The following XYLT1 variants were observed in gnomAD, a reference collection of about 807,000 sequenced individuals.
XYLT1 encodes the protein xylosyltransferase 1.
XYLT1 carries 36 observed loss-of-function variants against 91.3 expected under a neutral mutation model. The ratio of observed to expected loss-of-function variants is 0.39; its 90% CI spans 0.30 to 0.52. The LOEUF (loss-of-function observed/expected upper bound fraction) is 0.52. Ranked by LOEUF, XYLT1 falls within the 20% of genes least tolerant of loss-of-function variation. The probability of loss-of-function intolerance (pLI) is 0.68; values close to 1 mark genes in which losing one functional copy is unlikely to be tolerated. For missense variants in XYLT1, 1,242 were observed against 1,284.5 expected (o/e 0.97, Z 0.51); for synonymous variants, 588 against 532.0 (o/e 1.11, Z -1.45).
At position 17,396,975 on chromosome 16, in the gene XYLT1, GC is replaced by G. The variant is rs550794936; in HGVS notation, c.364-38926del. Reference sequence around the variant, plus strand: ...GCAAATAAAATTTTATTGGCACACAGCCACGTTCATTTGTTTACATGTTATC... The same window carrying G: ...GCAAATAAAATTTTATTGGCACACAGCACGTTCATTTGTTTACATGTTATC... On this transcript the variant is annotated intron_variant, in intron 1 of 11. Coordinates refer to ENST00000261381, the MANE Select transcript of XYLT1 (RefSeq NM_022166.4). Among the ~76,000 whole-genome samples, 70 of 152,270 alleles carry G rather than the reference GC, an allele frequency of 4.6e-4. 2 individuals carry two copies. The South Asian group carries it at 0.013, about 29-fold the overall frequency.
In XYLT1 at chr16:17,338,548, A is replaced by G. The variant is rs1356414307; in HGVS notation, c.402+19464T>C. 3 of 455,748 alleles carry G rather than the reference A, an allele frequency of 6.6e-6. No individual in the cohort carries two copies. In the Admixed American group the frequency reaches 7.1e-5, roughly 11 times the overall value. 28.2% of individuals were successfully genotyped at this position (455,748 alleles called of 1,614,324 possible). The stretch of plus-strand genomic sequence containing the variant: ...TCTTGTGATTTTCTGACAAGGCTCA[A>G]TATTTTCATCTCTGTTCTCTGTCGG... On this transcript the variant is annotated intron_variant, in intron 2 of 11. Coordinates refer to ENST00000261381, the MANE Select transcript of XYLT1 (RefSeq NM_022166.4).
intron 1 of XYLT1, among the ~76,000 whole-genome samples, chr16:17,371,201 G>A (rs569169229): frequency 6.6e-6 from 1 of 152,316 alleles, no homozygotes; most frequent in Admixed American, 6.5e-5. Context: ...TGAGAGTCCT[G>A]TCTTCTCATC....
At chr16:17,116,709 C>T (rs898197381) in intron 11 of XYLT1, among the ~76,000 whole-genome samples, 3 of 152,214 alleles carry the variant, frequency 2.0e-5, no homozygotes, top group Non-Finnish European at 4.4e-5. Context: ...TTCAGCTTTA[C>T]TAGGAGATAC....
At chr16:17,413,192 G>T (rs1303011691) in intron 1 of XYLT1, among the ~76,000 whole-genome samples, 1 of 152,118 alleles carries the variant, frequency 6.6e-6, no homozygotes, top group Non-Finnish European at 1.5e-5. Flanking sequence ...CCGGGACCTG[G>T]TACTCAAAAA....
intron 1 of XYLT1, among the ~76,000 whole-genome samples, chr16:17,385,483 T>A (rs943297048): frequency 2.0e-5 from 3 of 151,858 alleles, no homozygotes; most frequent in African/African-American, 7.2e-5. Flanking sequence ...ACATAGCCCT[T>A]GGCACCCAAC....
At chr16:17,331,522 C>T (rs1462204470) in intron 2 of XYLT1, among the ~76,000 whole-genome samples, 1 of 152,176 alleles carries the variant, frequency 6.6e-6, no homozygotes, top group Admixed American at 6.5e-5. Flanking sequence ...CCATTCAACA[C>T]TCTTTCTGAT....
At chr16:17,274,823 A>G (rs1182978901) in intron 2 of XYLT1, among the ~76,000 whole-genome samples, 4 of 152,146 alleles carry the variant, frequency 2.6e-5, no homozygotes, top group African/African-American at 9.7e-5. Flanking sequence ...CCCAGCTAAC[A>G]CTTAGTGAAC....
At chr16:17,286,377 G>T (rs373476843) in intron 2 of XYLT1, among the ~76,000 whole-genome samples, 15 of 152,168 alleles carry the variant, frequency 9.9e-5, no homozygotes, top group African/African-American at 3.6e-4. Flanking sequence ...ATACATCCAA[G>T]AATGTTCTCA....
chr16:17,274,653 A>G (rs1371343715), intron 2 of XYLT1, among the ~76,000 whole-genome samples: 5 of 152,192 alleles, frequency 3.3e-5, no homozygotes, highest in African/African-American at 1.2e-4. Flanking sequence ...GGGTCCAAGG[A>G]GAATGGAGGA....
intron 1 of XYLT1, among the ~76,000 whole-genome samples, chr16:17,403,129 C>T (rs905281975): frequency 2.0e-5 from 3 of 152,190 alleles, no homozygotes; most frequent in Admixed American, 2.0e-4. Context: ...AATAAGCCAG[C>T]CACAGCTAAC....
At chr16:17,433,080 G>A (rs895337781) in intron 1 of XYLT1, among the ~76,000 whole-genome samples, 3 of 152,034 alleles carry the variant, frequency 2.0e-5, no homozygotes, top group Non-Finnish European at 2.9e-5. Context: ...CAGGAGTGAC[G>A]GTAATGATGA....
chr16:17,431,431 A>C (rs2036389878), intron 1 of XYLT1, among the ~76,000 whole-genome samples: 1 of 152,218 alleles, frequency 6.6e-6, no homozygotes, highest in Non-Finnish European at 1.5e-5. Context: ...GAGAAGCAAA[A>C]GAGCACCCCC....
At chr16:17,421,729 C>G (rs2036253580) in intron 1 of XYLT1, among the ~76,000 whole-genome samples, 1 of 152,210 alleles carries the variant, frequency 6.6e-6, no homozygotes, top group Admixed American at 6.5e-5. Context: ...AGACAAACCT[C>G]CCAGCAGAGC....
intron 2 of XYLT1, among the ~76,000 whole-genome samples, chr16:17,266,985 C>G (rs1260965646): frequency 6.6e-6 from 1 of 152,234 alleles, no homozygotes; most frequent in Non-Finnish European, 1.5e-5. Context: ...CAAAAGGTGG[C>G]TGGCCAGCAC....
chr16:17,190,721 T>G (rs930914226), intron 5 of XYLT1, among the ~76,000 whole-genome samples: 3 of 152,276 alleles, frequency 2.0e-5, no homozygotes, highest in African/African-American at 7.2e-5. Flanking sequence ...TGGTTCCAAG[T>G]CTTTGCTCTT....
intron 2 of XYLT1, among the ~76,000 whole-genome samples, chr16:17,304,966 C>A (rs1025432756): frequency 6.6e-6 from 1 of 152,194 alleles, no homozygotes; most frequent in African/African-American, 2.4e-5. Context: ...GAAAGGGTGA[C>A]AGCTTCCAGA....
chr16:17,346,335 T>C (rs1316743341), intron 2 of XYLT1, among the ~76,000 whole-genome samples: 2 of 152,050 alleles, frequency 1.3e-5, no homozygotes, highest in African/African-American at 4.8e-5. Context: ...GTCCTGAGTG[T>C]GCAGGGGACA....
chr16:17,377,697 G>C (rs12708819), intron 1 of XYLT1, among the ~76,000 whole-genome samples: 80,031 of 151,954 alleles, frequency 0.53, 23,429 homozygotes, highest in African/African-American at 0.78. Flanking sequence ...GGGAGTCCTC[G>C]AAACCCAGAC....
intron 1 of XYLT1, among the ~76,000 whole-genome samples, chr16:17,463,618 G>A (rs574208358): frequency 6.6e-6 from 1 of 152,312 alleles, no homozygotes; most frequent in Admixed American, 6.5e-5. Flanking sequence ...ATACACTGTT[G>A]GTGGGAATGT....
Sources: allele counts gnomAD v4.1 joint callset (sites outside exome capture counted in the v4.1 genomes callset), GRCh38; gene constraint gnomAD v4.1.1; transcripts MANE v1.5; gene names NCBI Gene and HGNC (gene_info 2026-07-23, HGNC 2026-07-21).